PDE1A: variants seen among roughly 807,000 people sequenced by gnomAD.
The protein encoded by PDE1A is dual specificity calcium/calmodulin-dependent 3',5'-cyclic nucleotide phosphodiesterase 1A.
In PDE1A, 35 loss-of-function variants were observed where a neutral mutation model predicts 61.7. The observed-to-expected ratio is 0.57, with a 90% CI of 0.43 to 0.75. The LOEUF is 0.75. Ranked by LOEUF, PDE1A falls within the 30% of genes least tolerant of loss-of-function variation. PDE1A has a pLI of 0.00. For missense variants in PDE1A, 597 were observed against 630.6 expected, an observed-to-expected ratio of 0.95 and a Z score of 0.57; for synonymous variants, 232 against 213.2, an observed-to-expected ratio of 1.09 and a Z score of -0.77.
At chr2:182,646,000 T>G in the PDE1A span, among the ~76,000 whole-genome samples, 24 of 152,164 alleles carry the variant, frequency 1.6e-4, no homozygotes, top group Non-Finnish European at 3.2e-4. Flanking sequence ...CATATTTTGG[T>G]TGAAAATAAC....
chr2:182,204,243 CT>C lies in PDE1A; in HGVS notation c.902+1696del, dbSNP rs1686906907. Among the ~76,000 whole-genome samples, 4 of 152,282 alleles carry C rather than the reference CT, an allele frequency of 2.6e-5. 1 individual carries two copies. In the South Asian group the frequency reaches 8.3e-4, roughly 32 times the overall value. On this transcript the variant is annotated intron_variant, in intron 8 of 13. Coordinates refer to ENST00000351439, the Ensembl canonical transcript of PDE1A. ...ATCTCTCTTAGGCTTTAGGAAATAT[CT>C]CAGAACTTGTCTGCTTGTTCCTACC...
intron 2 of PDE1A, among the ~76,000 whole-genome samples, chr2:182,439,426 T>C (rs998912696): frequency 1.3e-4 from 20 of 151,862 alleles, no homozygotes; most frequent in Admixed American, 6.6e-4. Flanking sequence ...CTCTGGCAAT[T>C]GAGGAGATGG....
At chr2:182,425,579 G>C (rs1471057856) in intron 1 of PDE1A, among the ~76,000 whole-genome samples, 2 of 152,060 alleles carry the variant, frequency 1.3e-5, no homozygotes, top group Non-Finnish European at 2.9e-5. Context: ...TAATAATTCA[G>C]TAATGATGTT....
At chr2:182,294,843 C>T (rs1166792009) in intron 1 of PDE1A, among the ~76,000 whole-genome samples, 2 of 151,800 alleles carry the variant, frequency 1.3e-5, no homozygotes, top group Non-Finnish European at 2.9e-5. Flanking sequence ...GCCATGAGGG[C>T]AATCAGGGTC....
At chr2:182,571,075 GT>G in the PDE1A span, among the ~76,000 whole-genome samples, 4 of 152,142 alleles carry the variant, frequency 2.6e-5, no homozygotes, top group African/African-American at 9.7e-5. Context: ...AGATGCTAAT[GT>G]TTAAATACTC....
At chr2:182,648,954 GA>G in the PDE1A span, among the ~76,000 whole-genome samples, 1 of 152,160 alleles carries the variant, frequency 6.6e-6, no homozygotes, top group Non-Finnish European at 1.5e-5. Flanking sequence ...AAGGGTACCA[GA>G]GCAAGTGCTC....
intron 1 of PDE1A, among the ~76,000 whole-genome samples, chr2:182,376,942 G>A (rs1700444439): frequency 6.6e-6 from 1 of 152,148 alleles, no homozygotes; most frequent in Non-Finnish European, 1.5e-5. Flanking sequence ...ACTGCCATGA[G>A]AATAGTATAG....
intron 2 of PDE1A, among the ~76,000 whole-genome samples, chr2:182,469,958 C>A (rs1246416296): frequency 6.6e-6 from 1 of 151,634 alleles, no homozygotes; most frequent in African/African-American, 2.4e-5. Flanking sequence ...GTGGTTGGTG[C>A]CCCACAACAA....
At chr2:182,177,693 A>G (rs551899328) in intron 13 of PDE1A, among the ~76,000 whole-genome samples, 101 of 152,170 alleles carry the variant, frequency 6.6e-4, no homozygotes, top group African/African-American at 2.4e-3. Flanking sequence ...GTCATGTAGC[A>G]TGATGCCTCC....
At chr2:182,661,599 A>G in the PDE1A span, among the ~76,000 whole-genome samples, 1 of 152,166 alleles carries the variant, frequency 6.6e-6, no homozygotes, top group Non-Finnish European at 1.5e-5. Context: ...AAATAAAAAT[A>G]TGGAACGGCT....
the PDE1A span, among the ~76,000 whole-genome samples, chr2:182,634,933 GTCAC>G: frequency 6.6e-6 from 1 of 152,112 alleles, no homozygotes; most frequent in East Asian, 1.9e-4. Context: ...AGTATAAAAT[GTCAC>G]TCACTGTGAA....
At chr2:182,690,042 C>T in the PDE1A span, among the ~76,000 whole-genome samples, 2,833 of 152,180 alleles carry the variant, frequency 0.019, 32 homozygotes, top group Admixed American at 0.032. Flanking sequence ...TAATTAACAG[C>T]TTACCAACCA....
chr2:182,215,845 G>A (rs970974948), intron 7 of PDE1A, among the ~76,000 whole-genome samples: 18 of 86,094 alleles, frequency 2.1e-4, no homozygotes, highest in Admixed American at 9.1e-4. Flanking sequence ...GTACAAGGAG[G>A]AACTGGTACC....
Position 182,319,770 on chromosome 2 carries a change from T to C in PDE1A, c.54-55356A>G, listed in dbSNP as rs182848899. Among the ~76,000 whole-genome samples the C allele has an allele frequency of 3.9e-5, 6 of 152,292 alleles. No individual in the cohort carries two copies. The East Asian group carries it at 9.6e-4, about 24-fold the overall frequency. On this transcript the variant is annotated intron_variant, in intron 1 of 13. Transcript: ENST00000351439. ...AAGCACAGTAACTCATCAAGAAACATAAAAATTGGCGTGACAAAGTAAATA... is the reference window on the plus strand; with the variant it reads ...AAGCACAGTAACTCATCAAGAAACACAAAAATTGGCGTGACAAAGTAAATA...
the PDE1A span, among the ~76,000 whole-genome samples, chr2:182,613,433 G>A: frequency 2.0e-5 from 3 of 151,860 alleles, no homozygotes; most frequent in Non-Finnish European, 4.4e-5. Context: ...CATGGTGATG[G>A]GCACCTGTAG....
intron 1 of PDE1A, among the ~76,000 whole-genome samples, chr2:182,368,921 C>G (rs1341694712): frequency 6.6e-6 from 1 of 152,156 alleles, no homozygotes; most frequent in Non-Finnish European, 1.5e-5. Flanking sequence ...GATTTATAAA[C>G]TATCCTTTTG....
chr2:182,297,465 A>C (rs1347867349), intron 1 of PDE1A, among the ~76,000 whole-genome samples: 2 of 152,222 alleles, frequency 1.3e-5, no homozygotes, highest in African/African-American at 4.8e-5. Flanking sequence ...CATTTTTATA[A>C]AGCCACTTTT....
the PDE1A span, among the ~76,000 whole-genome samples, chr2:182,622,503 G>A: frequency 2.0e-5 from 3 of 152,138 alleles, no homozygotes; most frequent in African/African-American, 7.2e-5. Context: ...GTAGTCTTTT[G>A]TAAGTGTTGG....
At chr2:182,496,277 G>C (rs562575308) in intron 2 of PDE1A, among the ~76,000 whole-genome samples, 1 of 131,202 alleles carries the variant, frequency 7.6e-6, no homozygotes, top group Admixed American at 8.3e-5. Context: ...TACTACCAAA[G>C]ACTGCTAGGA....
Sources: allele counts gnomAD v4.1 joint callset (sites outside exome capture counted in the v4.1 genomes callset), GRCh38; gene constraint gnomAD v4.1.1; transcripts MANE v1.5; gene names NCBI Gene and HGNC (gene_info 2026-07-23, HGNC 2026-07-21).